The following GUCA2B variants were observed in gnomAD, a reference collection of about 807,000 sequenced individuals.
GUCA2B encodes guanylate cyclase activator 2B.
Under a neutral mutation model 11.1 loss-of-function variants are expected in GUCA2B, and 7 were observed. That is an observed-to-expected ratio of 0.63 (90% CI 0.36 to 1.18). GUCA2B has a LOEUF of 1.18. Ranked by LOEUF, GUCA2B falls within the 50% of genes most tolerant of loss-of-function variation. The pLI, the probability that GUCA2B is intolerant of heterozygous loss-of-function variation, is 0.02. For missense variants in GUCA2B, 140 were observed against 142.5 expected (o/e 0.98, Z 0.09); for synonymous variants, 69 against 65.3 (o/e 1.06, Z -0.27).
rs1557600749 is a variant in GUCA2B at position 42,155,820 on chromosome 1, A to C, written c.*224A>C. The C allele has an allele frequency of 1.7e-6, 1 of 594,704 alleles. No individual in the cohort carries two copies. Among genetic ancestry groups the C allele is most frequent in the East Asian group, 2.8e-5 (1 of 35,722 alleles). The allele number at this position is 594,704 out of a possible 1,614,324, so 36.8% of individuals were successfully genotyped here. The stretch of plus-strand genomic sequence containing the variant: ...AGCTCCTGAATAAAGATTCTACAAC[A>C]CACGAGTCCACGTGTCCTTTGTTCA... On this transcript the variant is annotated 3_prime_UTR_variant, in exon 3 of 3. Coordinates refer to ENST00000372581, the MANE Select transcript of GUCA2B (RefSeq NM_007102.3).
intron 2 of GUCA2B, 54 bp downstream of exon 2, chr1:42,154,920 C>A: frequency 7.2e-7 from 1 of 1,392,710 alleles, no homozygotes; most frequent in Non-Finnish European, 1.0e-6. Flanking sequence ...CACGCCCAGG[C>A]TCCTCCACCT....
chr1:42,154,526 C>G (rs558858516), intron 1 of GUCA2B, among the ~76,000 whole-genome samples, 154 bp from the exon 2 acceptor site: 2 of 152,320 alleles, frequency 1.3e-5, no homozygotes, highest in South Asian at 4.1e-4. Context: ...CACCTCTCAC[C>G]GCAGCGGCTC....
At chr1:42,155,457 T>A in intron 2 of GUCA2B, 78 bp from the exon 3 acceptor site, 1 of 1,158,918 alleles carries the variant, frequency 8.6e-7, no homozygotes. Context: ...TGCCGCCCAT[T>A]CCCAAGCAGA....
chr1:42,154,498 C>T (rs554460593), intron 1 of GUCA2B, among the ~76,000 whole-genome samples, 182 bp from the exon 2 acceptor site: 3 of 152,324 alleles, frequency 2.0e-5, no homozygotes, highest in South Asian at 4.2e-4. Flanking sequence ...GCTCCACAGC[C>T]CCGCTGCTTC....
In GUCA2B at chr1:42,155,717, C is replaced by A; in HGVS notation, c.*121C>A. 1.3e-6 allele frequency: 1 copy of A among 795,014 alleles called. No homozygotes were observed. Among genetic ancestry groups the A allele is most frequent in the South Asian group, 1.4e-5 (1 of 72,246 alleles). 49.2% of individuals were successfully genotyped at this position (795,014 alleles called of 1,614,324 possible). A position where few individuals can be genotyped will look rare whatever the true frequency, so the allele number is the denominator to read the frequency against. On this transcript the variant is annotated 3_prime_UTR_variant, in exon 3 of 3. Coordinates refer to ENST00000372581, the MANE Select transcript of GUCA2B (RefSeq NM_007102.3). ...CCTGGCCACCATGGTCATCACCACCCTTCCAGGGCCTGAGCAGCTGGATCT... is the reference window on the plus strand; with the variant it reads ...CCTGGCCACCATGGTCATCACCACCATTCCAGGGCCTGAGCAGCTGGATCT...
chr1:42,153,796 G>A (rs1646095226), intron 1 of GUCA2B, among the ~76,000 whole-genome samples: 1 of 152,216 alleles, frequency 6.6e-6, no homozygotes, highest in Admixed American at 6.5e-5. Context: ...TGGTCACAGA[G>A]GTCAGGGTGT....
At chr1:42,155,234 T>A (rs1646103843) in intron 2 of GUCA2B, among the ~76,000 whole-genome samples, 1 of 152,156 alleles carries the variant, frequency 6.6e-6, no homozygotes, top group Non-Finnish European at 1.5e-5. Flanking sequence ...ATGTAGCAAC[T>A]AGCTAGCACT....
chr1:42,155,612 C>A lies in GUCA2B; in HGVS notation c.*16C>A. On this transcript the variant is annotated 3_prime_UTR_variant, in exon 3 of 3. Coordinates refer to ENST00000372581, the MANE Select transcript of GUCA2B (RefSeq NM_007102.3). ...CTGCCTCTGAGATAGCCCTGGGTACCCTGAGCCCACCAGGGACACCTCGCC... is the reference window on the plus strand; with the variant it reads ...CTGCCTCTGAGATAGCCCTGGGTACACTGAGCCCACCAGGGACACCTCGCC... 1 of 1,602,066 alleles carries A rather than the reference C, an allele frequency of 6.2e-7. No homozygotes were observed.
In GUCA2B at chr1:42,155,767, T is replaced by C; in HGVS notation, c.*171T>C. 2 of 653,656 alleles carry C rather than the reference T, an allele frequency of 3.1e-6. No individual in the cohort carries two copies. The highest frequency in any genetic ancestry group is 1.7e-5 in the South Asian group (1 of 58,180). The allele number at this position is 653,656 out of a possible 1,614,324, so 40.5% of individuals were successfully genotyped here. ...TGGTACAAAGCAATCGGACATAGAGTTGGAGGGGGAGGCCCCTGAGGCAGC... is the reference window on the plus strand; with the variant it reads ...TGGTACAAAGCAATCGGACATAGAGCTGGAGGGGGAGGCCCCTGAGGCAGC... On this transcript the variant is annotated 3_prime_UTR_variant, in exon 3 of 3. Transcript: ENST00000372581.
At chr1:42,154,632 C>T (rs1646099658) in intron 1 of GUCA2B, 48 bp from the exon 2 acceptor site, 2 of 1,503,408 alleles carry the variant, frequency 1.3e-6, no homozygotes, top group Non-Finnish European at 1.9e-6. Flanking sequence ...AGTGCCTGCC[C>T]CTGGACCAGG....
chr1:42,154,955 C>T (rs1213766097), intron 2 of GUCA2B, 89 bp downstream of exon 2: 10 of 1,029,244 alleles, frequency 9.7e-6, no homozygotes, highest in South Asian at 6.2e-5. Context: ...AAGCACCCAG[C>T]GGCTGAGGAT....
At chr1:42,155,495 C>G in intron 2 of GUCA2B, 40 bp from the exon 3 acceptor site, 2 of 1,544,862 alleles carry the variant, frequency 1.3e-6, no homozygotes, top group South Asian at 1.1e-5. Flanking sequence ...CCACAGAGGG[C>G]CCAGGTTCAG....
intron 2 of GUCA2B, 76 bp downstream of exon 2, chr1:42,154,942 C>G (rs1431847551): frequency 2.6e-6 from 3 of 1,172,206 alleles, no homozygotes; most frequent in Non-Finnish European, 3.7e-6. Context: ...GGTTGTTTCT[C>G]TTAAGCACCC....
chr1:42,154,326 G>A (rs754803953), intron 1 of GUCA2B, among the ~76,000 whole-genome samples: 2 of 152,190 alleles, frequency 1.3e-5, no homozygotes, highest in Non-Finnish European at 2.9e-5. Flanking sequence ...TGTGAGCTCA[G>A]GCAGGCGTAC....
At chr1:42,155,452 C>G (rs1646104697) in intron 2 of GUCA2B, 83 bp from the exon 3 acceptor site, 1 of 1,088,372 alleles carries the variant, frequency 9.2e-7, no homozygotes, top group Non-Finnish European at 1.4e-6. Flanking sequence ...GAAGATGCCG[C>G]CCATTCCCAA....
Position 42,155,745 on chromosome 1 carries a change from T to C in GUCA2B, c.*149T>C. On this transcript the variant is annotated 3_prime_UTR_variant, in exon 3 of 3. Coordinates refer to ENST00000372581, the MANE Select transcript of GUCA2B (RefSeq NM_007102.3). The stretch of plus-strand genomic sequence containing the variant: ...CCAGGGCCTGAGCAGCTGGATCTGG[T>C]ACAAAGCAATCGGACATAGAGTTGG... The C allele has an allele frequency of 2.8e-6, 2 of 703,596 alleles. No individual in the cohort carries two copies. The highest frequency in any genetic ancestry group is 4.1e-5 in the Admixed American group (2 of 48,988). The allele number at this position is 703,596 out of a possible 1,614,324, so 43.6% of individuals were successfully genotyped here.
intron 1 of GUCA2B, 112 bp from the exon 2 acceptor site, chr1:42,154,568 A>C (rs1646099300): frequency 1.2e-6 from 1 of 846,124 alleles, no homozygotes; most frequent in Non-Finnish European, 2.0e-6. Flanking sequence ...TCCCATAGAG[A>C]CGGGGAAGGC....
rs772385547 is a variant in GUCA2B, at chr1:42,155,521, C to A, written c.278-14C>A. ...CCAGGTTCAGGTCAACTGACCAGTT[C>A]TCTCCCTGCCCAGGGACCATCGCTA... On this transcript the variant is annotated splice_polypyrimidine_tract_variant and intron_variant, in intron 2 of 2. Transcript: ENST00000372581. 2.2e-5 allele frequency: 35 copies of A among 1,611,384 alleles called. No individual in the cohort carries two copies. The highest frequency in any genetic ancestry group is 2.9e-5 in the Non-Finnish European group (34 of 1,177,666).
intron 1 of GUCA2B, 146 bp from the exon 2 acceptor site, chr1:42,154,534 C>A: frequency 1.5e-6 from 1 of 684,764 alleles, no homozygotes; most frequent in Non-Finnish European, 2.6e-6. Flanking sequence ...ACCGCAGCGG[C>A]TCTTTCCAGT....
Sources: gnomAD v4.1 joint callset for allele counts (sites outside exome capture counted in the v4.1 genomes callset) on GRCh38, gnomAD v4.1.1 for gene constraint, MANE v1.5 for transcripts, NCBI Gene and HGNC (gene_info 2026-07-23, HGNC 2026-07-21) for gene names.